The following INO80 variants were observed in gnomAD, a reference collection of about 807,000 sequenced individuals.
INO80 encodes chromatin-remodeling ATPase INO80.
In INO80, 20 loss-of-function variants were observed where a neutral mutation model predicts 203.4. The observed-to-expected ratio is 0.10, with a 90% CI of 0.07 to 0.14. The LOEUF is 0.14. Ranked by LOEUF, INO80 falls within the 10% of genes least tolerant of loss-of-function variation. INO80 has a pLI of 1.00. For synonymous variants in INO80, 726 were observed against 685.2 expected, an observed-to-expected ratio of 1.06 and a Z score of -0.93; for missense variants, 1,419 against 1,914.4, an observed-to-expected ratio of 0.74 and a Z score of 4.83.
chr15:41,001,945 C>T (rs797012888), intron 28 of INO80, among the ~76,000 whole-genome samples: 41 of 152,218 alleles, frequency 2.7e-4, no homozygotes, highest in African/African-American at 9.9e-4. Context: ...CTATATCAGG[C>T]GATTGCAGTC....
Position 40,980,001 on chromosome 15 carries a change from C to A in INO80, c.*222G>T. The A allele has an allele frequency of 1.7e-6, 1 of 579,142 alleles. No homozygotes were observed. Among genetic ancestry groups the A allele is most frequent in the Non-Finnish European group, 3.1e-6 (1 of 323,844 alleles). 35.9% of individuals were successfully genotyped at this position (579,142 alleles called of 1,614,324 possible). On this transcript the variant is annotated 3_prime_UTR_variant, in exon 36 of 36. Transcript: ENST00000648947. ...TCACTTGAGATGCAGTGGGGCTGAT[C>A]CATGCCCTGTGGCCTTCCTCCTACA...
intron 19 of INO80, among the ~76,000 whole-genome samples, chr15:41,051,268 C>T (rs974522615): frequency 6.6e-6 from 1 of 151,726 alleles, no homozygotes; most frequent in East Asian, 1.9e-4. Context: ...TTCGATGTTA[C>T]TCTATCTTTG....
intron 6 of INO80, among the ~76,000 whole-genome samples, chr15:41,086,614 G>A (rs376590876): frequency 1.3e-5 from 2 of 150,438 alleles, no homozygotes. Context: ...TCACGCCACT[G>A]CACTCCAGCC....
At chr15:40,988,214 A>G (rs1032973330) in intron 29 of INO80, among the ~76,000 whole-genome samples, 3 of 152,206 alleles carry the variant, frequency 2.0e-5, no homozygotes, top group African/African-American at 7.2e-5. Context: ...AGTGGCAATA[A>G]TATTAATAGT....
intron 24 of INO80, among the ~76,000 whole-genome samples, chr15:41,033,143 T>C (rs1439593381): frequency 6.6e-6 from 1 of 152,202 alleles, no homozygotes; most frequent in Non-Finnish European, 1.5e-5. Context: ...ACAGAATCAA[T>C]ACTGGTACTG....
At chr15:40,983,320 A>G in intron 34 of INO80, 1 of 509,016 alleles carries the variant, frequency 2.0e-6, no homozygotes, top group Non-Finnish European at 3.5e-6. Flanking sequence ...GAGCAGTTAC[A>G]TTACTCCTGA....
At chr15:41,038,014 T>TTC (rs1555401781) in intron 24 of INO80, among the ~76,000 whole-genome samples, 2 of 130,086 alleles carry the variant, frequency 1.5e-5, no homozygotes, top group Non-Finnish European at 3.2e-5. Flanking sequence ...CCCTTTTCTT[T>TTC]TTTTTTTTTT....
chr15:41,039,193 G>A (rs2044629865), intron 24 of INO80, among the ~76,000 whole-genome samples: 3 of 152,100 alleles, frequency 2.0e-5, no homozygotes, highest in African/African-American at 7.2e-5. Context: ...GCCCAGGCTG[G>A]TCTTGCCTCC....
At chr15:41,062,718 T>C (rs1017026788) in intron 14 of INO80, among the ~76,000 whole-genome samples, 2 of 151,480 alleles carry the variant, frequency 1.3e-5, no homozygotes, top group Admixed American at 6.6e-5. Flanking sequence ...ATCACAGGAG[T>C]CCCCCTCACC....
chr15:41,096,376 G>T (rs1475693620), intron 1 of INO80, 23 bp from the exon 2 acceptor site: 5 of 1,446,932 alleles, frequency 3.5e-6, no homozygotes, highest in Non-Finnish European at 4.6e-6. Flanking sequence ...GATAAGAAGT[G>T]AAAGATGAAA....
chr15:41,090,450 G>A lies in INO80; in HGVS notation c.537+1577C>T, dbSNP rs557690840. Reference sequence around the variant, plus strand: ...AAAAAAGCCGGGCGTGGTGGCACACGCCTGTAATCTCAGCTACTCAGCAGG... The same window carrying A: ...AAAAAAGCCGGGCGTGGTGGCACACACCTGTAATCTCAGCTACTCAGCAGG... On this transcript the variant is annotated intron_variant, in intron 5 of 35. Transcript: ENST00000648947. Among the ~76,000 whole-genome samples, 46 of 152,266 alleles carry A rather than the reference G, an allele frequency of 3.0e-4. 1 individual carries two copies. The highest frequency in any genetic ancestry group is 9.4e-4 in the African/African-American group (39 of 41,558).
intron 14 of INO80, among the ~76,000 whole-genome samples, chr15:41,066,137 C>A (rs1245350239): frequency 6.6e-6 from 1 of 151,714 alleles, no homozygotes; most frequent in Non-Finnish European, 1.5e-5. Flanking sequence ...TGCCACCATG[C>A]CCAGCTAATT....
chr15:41,033,052 AC>A (rs966417955), intron 24 of INO80, among the ~76,000 whole-genome samples: 15 of 152,188 alleles, frequency 9.9e-5, no homozygotes, highest in African/African-American at 2.9e-4. Context: ...CAACAAAAAA[AC>A]AAACAAAAAA....
At chr15:41,010,113 G>A (rs2044112169) in intron 27 of INO80, among the ~76,000 whole-genome samples, 1 of 152,112 alleles carries the variant, frequency 6.6e-6, no homozygotes, top group Non-Finnish European at 1.5e-5. Context: ...CTGCTTGCAT[G>A]CCACTGATTA....
intron 27 of INO80, among the ~76,000 whole-genome samples, chr15:41,008,397 A>G (rs999997987): frequency 6.6e-6 from 1 of 152,170 alleles, no homozygotes; most frequent in Non-Finnish European, 1.5e-5. Flanking sequence ...TCATAAAAGT[A>G]GAGAGTAGAA....
intron 24 of INO80, among the ~76,000 whole-genome samples, chr15:41,040,432 A>C (rs760769359): frequency 6.6e-6 from 1 of 152,178 alleles, no homozygotes; most frequent in African/African-American, 2.4e-5. Flanking sequence ...ACATATATAG[A>C]CACCTGCTTG....
intron 24 of INO80, among the ~76,000 whole-genome samples, chr15:41,033,019 CAG>C (rs1165730692): frequency 2.0e-5 from 3 of 152,262 alleles, no homozygotes; most frequent in Middle Eastern, 3.4e-3. Context: ...GCCTGGGTGA[CAG>C]AGACTCCGTC....
At chr15:41,007,182 CTTTTT>C (rs11330780) in intron 27 of INO80, among the ~76,000 whole-genome samples, 9 of 119,312 alleles carry the variant, frequency 7.5e-5, no homozygotes, top group Non-Finnish European at 1.4e-4. Flanking sequence ...TTTTTTTTTT[CTTTTT>C]TTTTTTTTTT....
chr15:41,099,906 A>T (rs2045782449), intron 1 of INO80, among the ~76,000 whole-genome samples: 1 of 152,138 alleles, frequency 6.6e-6, no homozygotes, highest in South Asian at 2.1e-4. Context: ...ACAGCAAATA[A>T]TTCATCTTGA....
Sources: allele counts gnomAD v4.1 joint callset (sites outside exome capture counted in the v4.1 genomes callset), GRCh38; gene constraint gnomAD v4.1.1; transcripts MANE v1.5; gene names NCBI Gene and HGNC (gene_info 2026-07-23, HGNC 2026-07-21).